Variants in DPP10 observed in about 807,000 individuals in gnomAD.
DPP10 encodes inactive dipeptidyl peptidase 10.
Under a neutral mutation model 120.9 loss-of-function variants are expected in DPP10, and 33 were observed. That is an observed-to-expected ratio of 0.27 (90% CI 0.21 to 0.37). The LOEUF (loss-of-function observed/expected upper bound fraction) is 0.37. Ranked by LOEUF, DPP10 falls within the 10% of genes least tolerant of loss-of-function variation. DPP10 has a pLI of 1.00. For synonymous variants in DPP10, 337 were observed against 326.1 expected (o/e 1.03, Z -0.36); for missense variants, 816 against 942.8 (o/e 0.87, Z 1.76).
intron 1 of DPP10, among the ~76,000 whole-genome samples, chr2:115,258,479 CAAA>C (rs59149975): frequency 9.5e-6 from 1 of 104,774 alleles, no homozygotes; most frequent in Non-Finnish European, 2.2e-5. Flanking sequence ...TCCAAGTTGG[CAAA>C]AAAAAAAAAA....
chr2:114,763,420 T>A (rs376011115), intron 1 of DPP10, among the ~76,000 whole-genome samples: 10 of 152,214 alleles, frequency 6.6e-5, no homozygotes, highest in Non-Finnish European at 1.5e-4. Flanking sequence ...AATTTATAGA[T>A]CAAAGTATGT....
At chr2:115,790,558 C>T (rs1683858260) in intron 17 of DPP10, among the ~76,000 whole-genome samples, 1 of 152,042 alleles carries the variant, frequency 6.6e-6, no homozygotes, top group Non-Finnish European at 1.5e-5. Flanking sequence ...CTCTTTTGTT[C>T]TTCAGTGCCT....
At chr2:115,033,441 T>G (rs762824537) in intron 1 of DPP10, among the ~76,000 whole-genome samples, 3 of 152,148 alleles carry the variant, frequency 2.0e-5, no homozygotes, top group Non-Finnish European at 4.4e-5. Flanking sequence ...AAAGCTTTTA[T>G]GTTTTTCAAA....
chr2:114,788,416 C>CTT lies in DPP10; in HGVS notation c.60+345578_60+345579insTT, dbSNP rs1333805639. 3.6e-5 allele frequency among the ~76,000 whole-genome samples: 4 copies of CTT among 111,652 alleles called. No homozygotes were observed. In the East Asian group the frequency reaches 6.4e-4, roughly 18 times the overall value. 73.2% of individuals were successfully genotyped at this position (111,652 alleles called of 152,430 possible). ...TATTGCACATGGAAAAGAACATGTA[C>CTT]ATTTTTTTTTTTTTCCTTGAGACGG... On this transcript the variant is annotated intron_variant, in intron 1 of 25. Coordinates refer to ENST00000410059, the MANE Select transcript of DPP10 (RefSeq NM_020868.6).
At chr2:115,398,092 C>T (rs1273954252) in intron 3 of DPP10, among the ~76,000 whole-genome samples, 1 of 152,028 alleles carries the variant, frequency 6.6e-6, no homozygotes, top group Non-Finnish European at 1.5e-5. Flanking sequence ...AATTTAAAGA[C>T]ATATTCATGC....
intron 5 of DPP10, among the ~76,000 whole-genome samples, chr2:115,631,286 T>A (rs2085850145): frequency 6.6e-6 from 1 of 152,148 alleles, no homozygotes; most frequent in African/African-American, 2.4e-5. Context: ...TATCATTTTT[T>A]ATTGTGTCTA....
At chr2:115,568,589 CTA>C (rs1389598084) in intron 5 of DPP10, among the ~76,000 whole-genome samples, 1 of 141,308 alleles carries the variant, frequency 7.1e-6, no homozygotes, top group African/African-American at 2.6e-5. Flanking sequence ...CATTTTTTGT[CTA>C]TTTTTGGGGG....
intron 12 of DPP10, 79 bp from the exon 13 acceptor site, chr2:115,768,218 C>T: frequency 8.5e-7 from 1 of 1,183,372 alleles, no homozygotes; most frequent in Non-Finnish European, 1.2e-6. Flanking sequence ...TGGTATAACC[C>T]ATGCAGGAAT....
intron 1 of DPP10, among the ~76,000 whole-genome samples, chr2:115,083,976 C>T (rs369836074): frequency 9.5e-4 from 144 of 152,260 alleles, no homozygotes; most frequent in African/African-American, 3.3e-3. Flanking sequence ...TCACAAACAC[C>T]TCTTCTAACA....
chr2:115,236,357 TA>T (rs2058008435), intron 1 of DPP10, among the ~76,000 whole-genome samples: 1 of 152,164 alleles, frequency 6.6e-6, no homozygotes, highest in Non-Finnish European at 1.5e-5. Context: ...TGTTTAATGG[TA>T]GGTGCTCTTT....
intron 1 of DPP10, among the ~76,000 whole-genome samples, chr2:115,268,144 G>T (rs1168190546): frequency 1.3e-5 from 2 of 152,172 alleles, no homozygotes; most frequent in African/African-American, 2.4e-5. Flanking sequence ...ATCCGTATTT[G>T]TAACTAACAT....
intron 5 of DPP10, among the ~76,000 whole-genome samples, chr2:115,548,740 A>G (rs188250567): frequency 2.0e-5 from 3 of 152,266 alleles, no homozygotes; most frequent in Admixed American, 1.3e-4. Context: ...TCCATGATAT[A>G]AACACATGTG....
chr2:115,554,460 A>G lies in DPP10; in HGVS notation c.441+28488A>G, dbSNP rs182221196. ...GTTCTTGGGCAACATCACTTTGACC[A>G]CCTACTGATTTGGGGTAGATGCACT... On this transcript the variant is annotated intron_variant, in intron 5 of 25. Coordinates refer to ENST00000410059, the MANE Select transcript of DPP10 (RefSeq NM_020868.6). Among the ~76,000 whole-genome samples, 41 of 152,152 alleles carry G rather than the reference A, an allele frequency of 2.7e-4. No individual in the cohort carries two copies. The East Asian group carries it at 6.4e-3, about 24-fold the overall frequency.
intron 5 of DPP10, among the ~76,000 whole-genome samples, chr2:115,674,925 T>C (rs990802362): frequency 6.6e-6 from 1 of 152,222 alleles, no homozygotes; most frequent in African/African-American, 2.4e-5. Context: ...CAAATCTTTA[T>C]CATCACCTTA....
At chr2:115,676,568 T>G (rs2090279298) in intron 5 of DPP10, among the ~76,000 whole-genome samples, 1 of 152,134 alleles carries the variant, frequency 6.6e-6, no homozygotes, top group African/African-American at 2.4e-5. Flanking sequence ...AATAAGTGCT[T>G]CATCAATAGA....
intron 7 of DPP10, among the ~76,000 whole-genome samples, chr2:115,694,216 C>T (rs1179040897): frequency 6.6e-6 from 1 of 152,082 alleles, no homozygotes; most frequent in Non-Finnish European, 1.5e-5. Context: ...ATATTTGAAG[C>T]TATTAGCAAA....
intron 1 of DPP10, among the ~76,000 whole-genome samples, chr2:115,273,627 C>T (rs1228347911): frequency 2.0e-5 from 3 of 152,220 alleles, no homozygotes; most frequent in African/African-American, 4.8e-5. Context: ...TGAGCCACCG[C>T]GCCCGGCCTG....
At chr2:114,596,450 T>G (rs17715313) in intron 1 of DPP10, among the ~76,000 whole-genome samples, 1 of 152,058 alleles carries the variant, frequency 6.6e-6, no homozygotes, top group African/African-American at 2.4e-5. Flanking sequence ...TCATAGCCAC[T>G]AAATCTGTAA....
At chr2:115,777,493 GCA>G (rs144383890) in intron 14 of DPP10, among the ~76,000 whole-genome samples, 194 bp downstream of exon 14, 4 of 150,878 alleles carry the variant, frequency 2.7e-5, no homozygotes, top group East Asian at 2.0e-4. Flanking sequence ...GTGTGCACAC[GCA>G]CACACACACA....
Sources: gnomAD v4.1 joint callset for allele counts (sites outside exome capture counted in the v4.1 genomes callset) on GRCh38, gnomAD v4.1.1 for gene constraint, MANE v1.5 for transcripts, NCBI Gene and HGNC (gene_info 2026-07-23, HGNC 2026-07-21) for gene names.